The following DUSP13B variants were observed in gnomAD, a reference collection of about 807,000 sequenced individuals.
The protein encoded by DUSP13B is dual specificity protein phosphatase 13B.
chr10:75,102,903 G>C, the DUSP13B span, among the ~76,000 whole-genome samples: 1 of 152,158 alleles, frequency 6.6e-6, no homozygotes, highest in African/African-American at 2.4e-5. Flanking sequence ...AGTGAGCTGA[G>C]ATCACGCCAT....
At chr10:75,108,904 G>A in the DUSP13B span, 1 of 1,442,948 alleles carries the variant, frequency 6.9e-7, no homozygotes. Flanking sequence ...GATGGTCAGA[G>A]CAGAGCTATT....
the DUSP13B span, among the ~76,000 whole-genome samples, chr10:75,103,542 C>A: frequency 3.0e-4 from 45 of 152,368 alleles, no homozygotes; most frequent in Non-Finnish European, 5.1e-4. Flanking sequence ...CAGCTAGGAC[C>A]TTCAATTGGG....
At chr10:75,097,647 C>T in the DUSP13B span, 1 of 1,431,238 alleles carries the variant, frequency 7.0e-7, no homozygotes. Context: ...GAGGCTCATG[C>T]CCCCATTCCC....
At chr10:75,098,035 G>T in the DUSP13B span, 2 of 680,970 alleles carry the variant, frequency 2.9e-6, no homozygotes, top group Admixed American at 3.3e-5. Context: ...AACAAGCTCA[G>T]CTGGGGCTGA....
chr10:75,097,773 G>C, the DUSP13B span: 13 of 1,613,780 alleles, frequency 8.1e-6, no homozygotes, highest in Non-Finnish European at 1.1e-5. Context: ...GCAGCCTGAC[G>C]GACCCACAGC....
chr10:75,106,438 A>G, the DUSP13B span, among the ~76,000 whole-genome samples: 1 of 151,886 alleles, frequency 6.6e-6, no homozygotes, highest in South Asian at 2.1e-4. Flanking sequence ...ACTAACTTCC[A>G]CTACTCATCC....
the DUSP13B span, chr10:75,103,933 C>T: frequency 1.2e-3 from 1,560 of 1,317,656 alleles, 25 homozygotes; most frequent in East Asian, 0.041. Flanking sequence ...GGGGTGTAGG[C>T]GCCAGGAGGA....
chr10:75,108,586 C>T, the DUSP13B span, among the ~76,000 whole-genome samples: 1 of 152,158 alleles, frequency 6.6e-6, no homozygotes, highest in African/African-American at 2.4e-5. Context: ...TGCTTCTAAC[C>T]TACAAATGTT....
At chr10:75,095,850 G>T in the DUSP13B span, 6 of 1,561,054 alleles carry the variant, frequency 3.8e-6, no homozygotes, top group Admixed American at 1.0e-4. Context: ...CACTGTGGCA[G>T]CTCTGGCTGG....
the DUSP13B span, among the ~76,000 whole-genome samples, chr10:75,103,690 G>A: frequency 2.0e-5 from 3 of 152,246 alleles, no homozygotes; most frequent in African/African-American, 7.2e-5. Flanking sequence ...GGTCTCTGAG[G>A]TCTGAGCTCC....
At chr10:75,101,875 G>A in the DUSP13B span, 1 of 1,366,768 alleles carries the variant, frequency 7.3e-7, no homozygotes, top group South Asian at 1.1e-5. Flanking sequence ...ACCTGTGGGA[G>A]TATCTGGCCC....
the DUSP13B span, chr10:75,108,196 T>C: frequency 6.2e-7 from 1 of 1,605,358 alleles, no homozygotes; most frequent in Non-Finnish European, 8.5e-7. Context: ...TCAAAGCGGT[T>C]GTTTGCCGTG....
the DUSP13B span, among the ~76,000 whole-genome samples, chr10:75,106,239 G>T: frequency 6.6e-6 from 1 of 151,580 alleles, no homozygotes; most frequent in South Asian, 2.1e-4. Context: ...ACCGCTCCTG[G>T]CCTCCAAACC....
At chr10:75,107,739 G>A in the DUSP13B span, among the ~76,000 whole-genome samples, 1 of 152,110 alleles carries the variant, frequency 6.6e-6, no homozygotes, top group Non-Finnish European at 1.5e-5. Flanking sequence ...ACCATGCCCG[G>A]CTAATATTTG....
At chr10:75,102,616 T>G in the DUSP13B span, among the ~76,000 whole-genome samples, 1 of 151,936 alleles carries the variant, frequency 6.6e-6, no homozygotes, top group Admixed American at 6.6e-5. Flanking sequence ...AAGACCAGTC[T>G]AGGCAATATA....
the DUSP13B span, chr10:75,094,917 T>G: frequency 6.3e-7 from 1 of 1,588,734 alleles, no homozygotes; most frequent in African/African-American, 1.3e-5. Flanking sequence ...TACCTGCCCT[T>G]GAACCACCCA....
the DUSP13B span, among the ~76,000 whole-genome samples, chr10:75,102,824 T>A: frequency 6.6e-6 from 1 of 152,102 alleles, no homozygotes; most frequent in African/African-American, 2.4e-5. Flanking sequence ...TGGTGGCGCA[T>A]GCCTGTAATC....
the DUSP13B span, among the ~76,000 whole-genome samples, chr10:75,103,440 C>A: frequency 6.6e-6 from 1 of 152,174 alleles, no homozygotes; most frequent in Non-Finnish European, 1.5e-5. Flanking sequence ...CCAAGCTCCT[C>A]CCCCAACCCA....
the DUSP13B span, among the ~76,000 whole-genome samples, chr10:75,102,877 G>A: frequency 1.3e-5 from 2 of 152,140 alleles, no homozygotes; most frequent in East Asian, 1.9e-4. Context: ...ATTTGAACCC[G>A]GGAGGTGGGG....
Sources: allele counts gnomAD v4.1 joint callset (sites outside exome capture counted in the v4.1 genomes callset), GRCh38; gene constraint gnomAD v4.1.1; transcripts MANE v1.5; gene names NCBI Gene and HGNC (gene_info 2026-07-23, HGNC 2026-07-21).